Variants in MAN1B1 observed in about 807,000 individuals in gnomAD.
MAN1B1 encodes endoplasmic reticulum mannosyl-oligosaccharide 1,2-alpha-mannosidase.
In MAN1B1, 66 loss-of-function variants were observed where a neutral mutation model predicts 75.5. That is an observed-to-expected ratio of 0.87 (90% confidence interval 0.72 to 1.07). MAN1B1 has a LOEUF of 1.07. MAN1B1 is among the 50% of genes least tolerant of loss of function. MAN1B1 has a pLI of 0.00. For missense variants in MAN1B1, 973 were observed against 912.5 expected, an observed-to-expected ratio of 1.07 and a Z score of -0.85; for synonymous variants, 453 against 382.8, an observed-to-expected ratio of 1.18 and a Z score of -2.14.
intron 7 of MAN1B1, 120 bp downstream of exon 7, chr9:137,101,273 T>A (rs1830802844): frequency 1.5e-6 from 2 of 1,366,626 alleles, no homozygotes; most frequent in South Asian, 1.2e-5. Context: ...CACTGGAGTC[T>A]GTTTCTGAGC....
At chr9:137,095,221 T>C (rs746814821) in intron 3 of MAN1B1, among the ~76,000 whole-genome samples, 1 of 151,734 alleles carries the variant, frequency 6.6e-6, no homozygotes, top group Non-Finnish European at 1.5e-5. Context: ...GCCTGGCTAA[T>C]TGTTCGTAAT....
intron 3 of MAN1B1, among the ~76,000 whole-genome samples, 158 bp from the exon 4 acceptor site, chr9:137,096,079 C>T (rs1046708665): frequency 6.6e-6 from 1 of 152,194 alleles, no homozygotes; most frequent in Non-Finnish European, 1.5e-5. Context: ...GAGCTGTCTT[C>T]TGAAGCTGCC....
Position 137,108,498 on chromosome 9 carries a change from C to G in MAN1B1, c.2007C>G (p.Phe669Leu), listed in dbSNP as rs2131135233. The change falls in exon 13 of 13, where the codon TTC becomes TTG. Residue 669 changes from phenylalanine (F) to leucine (L), a missense_variant. Physicochemically the swap from Phe to Leu is conservative, Grantham distance 22 (BLOSUM62 0). Coordinates refer to ENST00000371589, the MANE Select transcript of MAN1B1 (RefSeq NM_016219.5). ...FFLGETLKYL[F>L]LLFSDDPNLL... Reference sequence around the variant, plus strand: ...TGGGGGAGACGCTCAAGTATCTGTTCTTGCTCTTCTCCGATGACCCAAACC... The same window carrying G: ...TGGGGGAGACGCTCAAGTATCTGTTGTTGCTCTTCTCCGATGACCCAAACC... 10 of 1,614,032 alleles carry G rather than the reference C, an allele frequency of 6.2e-6. No individual in the cohort carries two copies. The highest frequency in any genetic ancestry group is 8.5e-6 in the Non-Finnish European group (10 of 1,180,022).
chr9:137,105,394 A>T, intron 8 of MAN1B1: 1 of 178,422 alleles, frequency 5.6e-6, no homozygotes, highest in East Asian at 1.9e-4. Context: ...GACATTTAGA[A>T]GGCGTTTTCA....
chr9:137,105,942 CTGTGTGGT>C, intron 8 of MAN1B1, 175 bp from the exon 9 acceptor site: 2 of 700,718 alleles, frequency 2.9e-6, no homozygotes, highest in Non-Finnish European at 2.6e-6. Context: ...GGCTGTGTGG[CTGTGTGGT>C]ACGGCCACCA....
At position 137,106,513 on chromosome 9, in the gene MAN1B1, G is replaced by C. The variant is rs577251315; in HGVS notation, c.1446-176G>C. 3.1e-3 allele frequency: 3,340 copies of C among 1,070,184 alleles called. 8 individuals carry two copies. Among genetic ancestry groups the C allele is most frequent in the Non-Finnish European group, 4.0e-3 (2,937 of 728,726 alleles). The allele number at this position is 1,070,184 out of a possible 1,614,324, so 66.3% of individuals were successfully genotyped here. ...TCATTCACCTCTCACCGTGGCCTCT[G>C]GGGGGGTGAGGGGGGCATCTTCACT... On this transcript the variant is annotated intron_variant, in intron 9 of 12. Transcript: ENST00000371589.
rs200147487 is a variant in MAN1B1, at chr9:137,101,164, T to C, written c.1065+11T>C. 197 of 1,613,342 alleles carry C rather than the reference T, an allele frequency of 1.2e-4. No homozygotes were observed. Among genetic ancestry groups the C allele is most frequent in the Middle Eastern group, 1.8e-4 (1 of 5,616 alleles). Reference sequence around the variant, plus strand: ...TTCCTGAGGAAAGCTGTAAGTGTCTTGGGGTGTCCTGCAGGGAGATGGTGG... The same window carrying C: ...TTCCTGAGGAAAGCTGTAAGTGTCTCGGGGTGTCCTGCAGGGAGATGGTGG... On this transcript the variant is annotated intron_variant, in intron 7 of 12. Transcript: ENST00000371589.
chr9:137,107,771 C>G, intron 12 of MAN1B1, 109 bp downstream of exon 12: 6 of 1,526,986 alleles, frequency 3.9e-6, no homozygotes, highest in Non-Finnish European at 5.4e-6. Context: ...GACCTGGATC[C>G]GGGAGGGGCG....
intron 3 of MAN1B1, among the ~76,000 whole-genome samples, chr9:137,091,098 G>A (rs1216744664): frequency 2.0e-5 from 3 of 152,174 alleles, no homozygotes; most frequent in South Asian, 2.1e-4. Flanking sequence ...CACACTCTTC[G>A]GTGTGAGGAT....
intron 3 of MAN1B1, among the ~76,000 whole-genome samples, chr9:137,095,338 C>T (rs902445467): frequency 5.3e-5 from 8 of 151,760 alleles, no homozygotes; most frequent in Middle Eastern, 3.4e-3. Flanking sequence ...CGTGAGCCAC[C>T]GTGCCCAGCC....
intron 3 of MAN1B1, 136 bp downstream of exon 3, chr9:137,089,141 C>A: frequency 8.9e-7 from 1 of 1,124,198 alleles, no homozygotes; most frequent in South Asian, 1.3e-5. Flanking sequence ...TTGGACTGGT[C>A]GGATAATACT....
intron 8 of MAN1B1, chr9:137,102,129 T>G (rs1227859115): frequency 2.2e-6 from 1 of 447,844 alleles, no homozygotes; most frequent in Non-Finnish European, 4.5e-6. Flanking sequence ...ACATTCACGC[T>G]GTTGCAGGCG....
chr9:137,106,130 A>G lies in MAN1B1; in HGVS notation c.1260A>G (p.Ala420=). The change falls in exon 9 of 13, where the codon GCA becomes GCG. Residue 420 remains alanine (A), a synonymous_variant. Coordinates refer to ENST00000371589, the MANE Select transcript of MAN1B1 (RefSeq NM_016219.5). ...RLTGDKKFQE[A]VEKVTQHIHG... is the part of the protein sequence containing the mutation. ...CATCCCCCTTTCTGCCGCAGGAGGC[A>G]GTGGAGAAGGTGACACAGCACATCC... is the stretch of plus-strand genomic sequence containing the variant. The G allele has an allele frequency of 6.2e-7, 1 of 1,612,666 alleles. No individual in the cohort carries two copies. Among genetic ancestry groups the G allele is most frequent in the South Asian group, 1.1e-5 (1 of 90,982 alleles).
intron 8 of MAN1B1, chr9:137,103,583 A>G: frequency 2.3e-6 from 1 of 437,780 alleles, no homozygotes; most frequent in Non-Finnish European, 4.5e-6. Flanking sequence ...TCACACTTGC[A>G]GGCGTGCGGG....
chr9:137,107,255 C>T lies in MAN1B1; in HGVS notation c.1572C>T (p.His524=). Residue 524 remains histidine, a synonymous_variant, in exon 11 of 13, where the codon CAC becomes CAT. Transcript: ENST00000371589. ...AAGAGACCCTCTGATTCCAGGACCA[C>T]CTGGTGTGCTTCCTGCCAGGGACGC... The part of the protein sequence containing the change: ...AHGRFSAKMD[H]LVCFLPGTLA... 6.2e-7 allele frequency: 1 copy of T among 1,612,900 alleles called. No homozygotes were observed.
In MAN1B1 at chr9:137,088,084, C is replaced by A; in HGVS notation, c.229C>A (p.Gln77Lys). Reference protein sequence around the residue: ...RRRSCWRKWKQLSRLQRNMIL... With the variant: ...RRRSCWRKWKKLSRLQRNMIL... ...TCTGTACCTCCCTTAGAAATGGAAGCAACTGTCGAGATTGCAGCGGAATAT... is the reference window on the plus strand; with the variant it reads ...TCTGTACCTCCCTTAGAAATGGAAGAAACTGTCGAGATTGCAGCGGAATAT... Residue 77 changes from glutamine (Q) to lysine (K), a missense_variant, in exon 2 of 13, where the codon CAA (glutamine) becomes AAA (lysine). Gln to Lys is a moderately conservative substitution (Grantham distance 53). Coordinates refer to ENST00000371589, the MANE Select transcript of MAN1B1 (RefSeq NM_016219.5). 6.2e-7 allele frequency: 1 copy of A among 1,613,780 alleles called. No homozygotes were observed. Among genetic ancestry groups the A allele is most frequent in the Non-Finnish European group, 8.5e-7 (1 of 1,179,666 alleles).
intron 5 of MAN1B1, 59 bp downstream of exon 5, chr9:137,097,996 T>G (rs1588595487): frequency 7.5e-7 from 1 of 1,339,574 alleles, no homozygotes; most frequent in Non-Finnish European, 1.0e-6. Context: ...GGCTGATGGG[T>G]GCAGGCTTCG....
rs185574403 is a variant in MAN1B1, at chr9:137,107,701, G to A, written c.1896+39G>A. Reference sequence around the variant, plus strand: ...CTCGCCCCGCGTGGTCACGGCCACCGGGCCACAGGCACGGCTGGGCTGTGG... The same window carrying A: ...CTCGCCCCGCGTGGTCACGGCCACCAGGCCACAGGCACGGCTGGGCTGTGG... On this transcript the variant is annotated intron_variant, in intron 12 of 12. Transcript: ENST00000371589. 374 of 1,610,536 alleles carry A rather than the reference G, an allele frequency of 2.3e-4. 2 individuals are homozygous for A. In the East Asian group the frequency reaches 5.1e-3, roughly 22 times the overall value.
chr9:137,088,408 G>A (rs1174297387), intron 2 of MAN1B1: 3 of 1,574,142 alleles, frequency 1.9e-6, no homozygotes, highest in Non-Finnish European at 2.6e-6. Context: ...TGTAAGTACT[G>A]ATATGTCCAG....
Sources: gnomAD v4.1 joint callset for allele counts (sites outside exome capture counted in the v4.1 genomes callset) on GRCh38, gnomAD v4.1.1 for gene constraint, MANE v1.5 for transcripts, NCBI Gene and HGNC (gene_info 2026-07-23, HGNC 2026-07-21) for gene names.